Variants in CFAP47 observed in about 807,000 individuals in gnomAD.
CFAP47 encodes the protein cilia and flagella associated protein 47.
A neutral mutation model predicts 148.1 loss-of-function variants in CFAP47; 29 were observed. The ratio of observed to expected loss-of-function variants is 0.20; its 90% CI spans 0.15 to 0.27. The LOEUF is 0.27. Ranked by LOEUF, CFAP47 falls within the 10% of genes least tolerant of loss-of-function variation. The pLI is 1.00. For synonymous variants in CFAP47, 664 were observed against 577.3 expected (o/e 1.15, Z -2.15); for missense variants, 1,872 against 1,697.5 (o/e 1.10, Z -1.81).
Position 36,111,967 on chromosome X carries a change from A to G in CFAP47, c.5320+7276A>G, listed in dbSNP as rs138201920. ...GTGACTGATACCCTTTGTAATTTCT[A>G]ATTGTGTTTATTCAGATCTTCTCTC... On this transcript the variant is annotated intron_variant, in intron 33 of 63. Coordinates refer to ENST00000378653, the MANE Select transcript of CFAP47 (RefSeq NM_001304548.2). 5.6e-3 allele frequency among the ~76,000 whole-genome samples: 625 copies of G among 111,028 alleles called. 5 individuals are homozygous for G. The highest frequency in any genetic ancestry group is 0.019 in the African/African-American group (573 of 30,538).
chrX:35,936,215 G>A (rs1350011624), intron 2 of CFAP47, among the ~76,000 whole-genome samples: 1 of 111,217 alleles, frequency 9.0e-6, no homozygotes, highest in Non-Finnish European at 1.9e-5. Flanking sequence ...TTCTCTCTCA[G>A]TCTTTGTCAA....
At chrX:36,332,058 A>T (rs1172152221) in intron 57 of CFAP47, among the ~76,000 whole-genome samples, 2 of 112,107 alleles carry the variant, frequency 1.8e-5, no homozygotes, top group Non-Finnish European at 3.8e-5. Context: ...TAAGTTGCTC[A>T]TTATATTTAC....
intron 49 of CFAP47, among the ~76,000 whole-genome samples, chrX:36,253,035 T>G (rs782350697): frequency 2.2e-4 from 25 of 112,378 alleles, no homozygotes; most frequent in African/African-American, 7.4e-4. Context: ...GGCCTTTCCT[T>G]TGTGTAATCT....
intron 22 of CFAP47, among the ~76,000 whole-genome samples, chrX:36,025,850 A>G (rs1601937237): frequency 9.0e-6 from 1 of 111,235 alleles, no homozygotes; most frequent in East Asian, 2.8e-4. Flanking sequence ...TATTATTTTT[A>G]TATTTAATGT....
chrX:36,280,048 A>T (rs1941062165), intron 49 of CFAP47, among the ~76,000 whole-genome samples: 1 of 110,707 alleles, frequency 9.0e-6, no homozygotes, highest in South Asian at 3.7e-4. Context: ...TTTATATATT[A>T]AATATTTTCA....
Position 36,085,447 on chromosome X carries a change from A to T in CFAP47, c.4825A>T (p.Ile1609Phe). The T allele has an allele frequency of 8.3e-7, 1 of 1,206,238 alleles. No homozygotes were observed. The highest frequency in any genetic ancestry group is 1.1e-6 in the Non-Finnish European group (1 of 891,247). The change falls in exon 30 of 64, where the codon ATT becomes TTT. Residue 1609 changes from isoleucine to phenylalanine, a missense_variant. Physicochemically the swap from Ile to Phe is conservative, Grantham distance 21. Coordinates refer to ENST00000378653, the MANE Select transcript of CFAP47 (RefSeq NM_001304548.2). ...TTTGAGTGGAAAAATGCCACCTGGA[A>T]TTAATTCAAGTCAATCTTTACCTGT... is the stretch of plus-strand genomic sequence containing the variant. ...LHLSGKMPPG[I>F]NSSQSLPVDN... is the part of the protein sequence containing the mutation.
intron 25 of CFAP47, among the ~76,000 whole-genome samples, chrX:36,040,586 A>G (rs1410034527): frequency 8.9e-6 from 1 of 112,023 alleles, no homozygotes; most frequent in Non-Finnish European, 1.9e-5. Flanking sequence ...AAGGGTTGAC[A>G]TAATATAGAC....
At chrX:36,119,756 G>A (rs1016570641) in intron 33 of CFAP47, among the ~76,000 whole-genome samples, 3 of 111,347 alleles carry the variant, frequency 2.7e-5, no homozygotes, top group African/African-American at 9.8e-5. Flanking sequence ...GTCTATTTAA[G>A]TTTTGGATAT....
intron 26 of CFAP47, among the ~76,000 whole-genome samples, chrX:36,064,039 C>CT (rs1210442899): frequency 8.9e-6 from 1 of 111,808 alleles, no homozygotes; most frequent in Non-Finnish European, 1.9e-5. Flanking sequence ...TTACAGTGGT[C>CT]TTTTTTTCCT....
chrX:35,981,892 A>G (rs753486934), intron 15 of CFAP47, among the ~76,000 whole-genome samples: 1 of 111,718 alleles, frequency 9.0e-6, no homozygotes, highest in Non-Finnish European at 1.9e-5. Flanking sequence ...TCCATGGTAT[A>G]TATGTACCAC....
intron 35 of CFAP47, among the ~76,000 whole-genome samples, chrX:36,140,510 G>A (rs1218622945): frequency 1.9e-5 from 2 of 105,630 alleles, no homozygotes; most frequent in Non-Finnish European, 3.8e-5. Flanking sequence ...TTTGATGAAT[G>A]AAGTAATTGA....
At chrX:35,976,157 AAGAG>A (rs1178390539) in intron 15 of CFAP47, among the ~76,000 whole-genome samples, 1 of 110,342 alleles carries the variant, frequency 9.1e-6, no homozygotes, top group Admixed American at 9.7e-5. Context: ...GAGAGAGATA[AAGAG>A]AGAGACATTT....
At chrX:36,093,789 T>G (rs1938227926) in intron 30 of CFAP47, among the ~76,000 whole-genome samples, 1 of 111,643 alleles carries the variant, frequency 9.0e-6, no homozygotes, top group African/African-American at 3.2e-5. Flanking sequence ...ATTCTGGTTA[T>G]CAACCCTTGA....
chrX:35,926,195 A>G (rs781123520), intron 2 of CFAP47, 27 bp downstream of exon 2: 1 of 1,111,039 alleles, frequency 9.0e-7, no homozygotes, highest in East Asian at 3.1e-5. Context: ...GTTCATGCTG[A>G]CATTTTGAAT....
intron 21 of CFAP47, among the ~76,000 whole-genome samples, chrX:36,008,745 G>T (rs977520758): frequency 1.8e-5 from 2 of 110,792 alleles, no homozygotes; most frequent in Non-Finnish European, 3.8e-5. Flanking sequence ...ACTCCAGCCT[G>T]AGTGACAGAG....
intron 26 of CFAP47, among the ~76,000 whole-genome samples, chrX:36,061,226 GT>G (rs199936783): frequency 0.016 from 1,807 of 111,604 alleles, 40 homozygotes; most frequent in African/African-American, 0.056. Flanking sequence ...ATCACTGTAA[GT>G]TTCTTGAGGC....
intron 22 of CFAP47, among the ~76,000 whole-genome samples, chrX:36,028,410 A>G (rs1171869311): frequency 9.0e-6 from 1 of 111,265 alleles, no homozygotes; most frequent in Admixed American, 9.6e-5. Context: ...GAAAAATGAC[A>G]TTGGTACTTT....
At chrX:35,971,532 T>C in intron 11 of CFAP47, 54 bp from the exon 12 acceptor site, 2 of 836,289 alleles carry the variant, frequency 2.4e-6, no homozygotes, top group Non-Finnish European at 3.3e-6. Flanking sequence ...TACAGATGCA[T>C]TTTTTGAATG....
intron 49 of CFAP47, among the ~76,000 whole-genome samples, chrX:36,269,766 C>T (rs1556001567): frequency 8.9e-6 from 1 of 112,085 alleles, no homozygotes; most frequent in Non-Finnish European, 1.9e-5. Context: ...ATAACTGTCA[C>T]TCCAAAAAGT....
Sources: allele counts gnomAD v4.1 joint callset (sites outside exome capture counted in the v4.1 genomes callset), GRCh38; gene constraint gnomAD v4.1.1; transcripts MANE v1.5; gene names NCBI Gene and HGNC (gene_info 2026-07-23, HGNC 2026-07-21).